The following PAPPA2 variants were observed in gnomAD, a reference collection of about 807,000 sequenced individuals.
PAPPA2 encodes the protein pappalysin-2.
A neutral mutation model predicts 176.4 loss-of-function variants in PAPPA2; 86 were observed. The observed-to-expected ratio is 0.49, with a 90% CI of 0.41 to 0.58. PAPPA2 has a LOEUF of 0.58. Among genes scored for constraint, PAPPA2 ranks in the 20% least tolerant of loss-of-function variants. The pLI is 0.00. For synonymous variants in PAPPA2, 809 were observed against 852.2 expected (o/e 0.95, Z 0.88); for missense variants, 2,073 against 2,256.9 (o/e 0.92, Z 1.65).
At chr1:176,809,645 C>T (rs1666056939) in intron 21 of PAPPA2, among the ~76,000 whole-genome samples, 1 of 152,076 alleles carries the variant, frequency 6.6e-6, no homozygotes, top group Non-Finnish European at 1.5e-5. Context: ...AAAATAAGGG[C>T]ATAAAAATTG....
chr1:176,599,731 T>C (rs1235130317), intron 3 of PAPPA2, among the ~76,000 whole-genome samples: 1 of 151,804 alleles, frequency 6.6e-6, no homozygotes, highest in Non-Finnish European at 1.5e-5. Context: ...CTTTTCTTTT[T>C]TTATTATATT....
At chr1:176,765,377 C>T (rs1571294272) in intron 14 of PAPPA2, among the ~76,000 whole-genome samples, 1 of 152,326 alleles carries the variant, frequency 6.6e-6, no homozygotes, top group South Asian at 2.1e-4. Context: ...TTCTGAGCCA[C>T]ACAGAACTCT....
chr1:176,731,115 AC>A (rs1379239931), intron 12 of PAPPA2, among the ~76,000 whole-genome samples: 3 of 152,198 alleles, frequency 2.0e-5, no homozygotes, highest in Non-Finnish European at 2.9e-5. Flanking sequence ...TTGTTTTTAT[AC>A]ATAAACATCC....
intron 16 of PAPPA2, 43 bp from the exon 17 acceptor site, chr1:176,770,924 C>A: frequency 3.2e-6 from 5 of 1,564,432 alleles, no homozygotes; most frequent in Non-Finnish European, 4.4e-6. Flanking sequence ...TCTTTCTGGG[C>A]TCTCTGTTCT....
intron 3 of PAPPA2, among the ~76,000 whole-genome samples, chr1:176,669,010 G>T (rs1378039679): frequency 6.6e-6 from 1 of 152,128 alleles, no homozygotes; most frequent in Non-Finnish European, 1.5e-5. Flanking sequence ...TAGTGGAACT[G>T]GTGGGTTGAG....
At chr1:176,750,114 C>T (rs981862210) in intron 14 of PAPPA2, among the ~76,000 whole-genome samples, 3 of 151,954 alleles carry the variant, frequency 2.0e-5, no homozygotes, top group African/African-American at 7.3e-5. Flanking sequence ...AGATCTTTTT[C>T]CTCTTCTCCT....
rs1017974270 is a variant in PAPPA2, at chr1:176,844,242, G to T, written c.*1788G>T. ...AGACAAAATTTAGAGCTCAGCTGTGGTCTCTTCTCATCTTCTGCTCTTTTG... is the reference window on the plus strand; with the variant it reads ...AGACAAAATTTAGAGCTCAGCTGTGTTCTCTTCTCATCTTCTGCTCTTTTG... On this transcript the variant is annotated 3_prime_UTR_variant, in exon 23 of 23. Transcript: ENST00000367662. The T allele has an allele frequency of 6.6e-6, 1 of 152,106 alleles. No individual in the cohort carries two copies. Among genetic ancestry groups the T allele is most frequent in the Admixed American group, 6.6e-5 (1 of 15,262 alleles). 9.4% of individuals were successfully genotyped at this position (152,106 alleles called of 1,614,324 possible).
intron 1 of PAPPA2, among the ~76,000 whole-genome samples, chr1:176,475,199 G>A (rs545491259): frequency 1.1e-3 from 165 of 152,252 alleles, no homozygotes; most frequent in African/African-American, 3.4e-3. Flanking sequence ...AGTGCAATAG[G>A]TTTCCCATGG....
rs905488463 is a variant in PAPPA2 at position 176,599,202 on chromosome 1, T to TAC, written c.1991+3625_1991+3626dup. Among the ~76,000 whole-genome samples, 349 of 136,504 alleles carry TAC rather than the reference T, an allele frequency of 2.6e-3. 3 individuals carry two copies. The highest frequency in any genetic ancestry group is 0.015 in the Admixed American group (213 of 13,758). The allele number at this position is 136,504 out of a possible 152,430, so 89.6% of individuals were successfully genotyped here. A position where few individuals can be genotyped will look rare whatever the true frequency, so the allele number is the denominator to read the frequency against. ...ATGTATGTATGTACATATATATATATACACACACACACACACACAAATATA... is the reference window on the plus strand; with the variant it reads ...ATGTATGTATGTACATATATATATATACACACACACACACACACACAAATATA... On this transcript the variant is annotated intron_variant, in intron 3 of 22. Transcript: ENST00000367662.
At chr1:176,800,247 G>T (rs1199022584) in intron 21 of PAPPA2, 115 bp downstream of exon 21, 5 of 891,494 alleles carry the variant, frequency 5.6e-6, no homozygotes, top group Non-Finnish European at 8.4e-6. Context: ...TCTGTCCTTT[G>T]TTTAACTTCT....
intron 21 of PAPPA2, among the ~76,000 whole-genome samples, chr1:176,837,807 G>C (rs1667332713): frequency 6.6e-6 from 1 of 152,170 alleles, no homozygotes; most frequent in Non-Finnish European, 1.5e-5. Flanking sequence ...CCAGTCTTCA[G>C]ATATTTTTAA....
intron 1 of PAPPA2, chr1:176,553,537 A>G (rs1651091939): frequency 6.6e-6 from 1 of 152,086 alleles, no homozygotes; most frequent in Non-Finnish European, 1.5e-5. Flanking sequence ...TGGTGAGCAA[A>G]GGAATGAAGG....
chr1:176,560,212 G>T (rs185233608), intron 2 of PAPPA2, among the ~76,000 whole-genome samples: 1 of 152,230 alleles, frequency 6.6e-6, no homozygotes, highest in Admixed American at 6.5e-5. Context: ...ACATTTTTGG[G>T]GTTGTGACTA....
At chr1:176,838,174 A>G (rs998658378) in intron 21 of PAPPA2, among the ~76,000 whole-genome samples, 4 of 152,150 alleles carry the variant, frequency 2.6e-5, no homozygotes, top group Admixed American at 6.6e-5. Flanking sequence ...GCTCTTTTCA[A>G]CATATGTTCT....
intron 1 of PAPPA2, among the ~76,000 whole-genome samples, chr1:176,538,733 T>C (rs778799759): frequency 6.6e-6 from 1 of 152,222 alleles, no homozygotes; most frequent in Non-Finnish European, 1.5e-5. Flanking sequence ...TAAAAGTTTC[T>C]TTGCCTCATC....
chr1:176,534,477 G>T (rs1649967851), intron 1 of PAPPA2, among the ~76,000 whole-genome samples: 1 of 152,202 alleles, frequency 6.6e-6, no homozygotes, highest in African/African-American at 2.4e-5. Context: ...AACAGGAAAA[G>T]AATGTATTGT....
intron 12 of PAPPA2, among the ~76,000 whole-genome samples, chr1:176,725,510 G>A (rs994420647): frequency 1.3e-5 from 2 of 152,134 alleles, no homozygotes; most frequent in African/African-American, 4.8e-5. Flanking sequence ...TACATACATA[G>A]CAGTGGGCAT....
At chr1:176,561,449 C>T (rs1460260748) in intron 2 of PAPPA2, among the ~76,000 whole-genome samples, 1 of 152,050 alleles carries the variant, frequency 6.6e-6, no homozygotes, top group African/African-American at 2.4e-5. Flanking sequence ...TATCATTTTT[C>T]CTTAGGTGGA....
intron 3 of PAPPA2, among the ~76,000 whole-genome samples, chr1:176,635,587 G>A (rs924543110): frequency 9.2e-5 from 14 of 151,990 alleles, no homozygotes; most frequent in Non-Finnish European, 2.9e-5. Flanking sequence ...CTCACTTTCT[G>A]TTTTTCTGAC....
Sources: allele counts gnomAD v4.1 joint callset (sites outside exome capture counted in the v4.1 genomes callset), GRCh38; gene constraint gnomAD v4.1.1; transcripts MANE v1.5; gene names NCBI Gene and HGNC (gene_info 2026-07-23, HGNC 2026-07-21).